Variants in ZNF716 observed in about 807,000 individuals in gnomAD.
The protein encoded by ZNF716 is zinc finger protein 716.
A neutral mutation model predicts 13.4 loss-of-function variants in ZNF716; 9 were observed. The ratio of observed to expected loss-of-function variants is 0.67; its 90% CI spans 0.41 to 1.18. The LOEUF is 1.18. ZNF716 is among the 50% of genes most tolerant of loss of function. The probability of loss-of-function intolerance (pLI) is 0.01; values close to 1 mark genes in which losing one functional copy is unlikely to be tolerated. For missense variants in ZNF716, 581 were observed against 576.6 expected, an observed-to-expected ratio of 1.01 and a Z score of -0.08; for synonymous variants, 186 against 195.2, an observed-to-expected ratio of 0.95 and a Z score of 0.39.
intron 1 of ZNF716, among the ~76,000 whole-genome samples, chr7:57,458,017 A>G (rs1789634460): frequency 1.3e-5 from 2 of 152,180 alleles, no homozygotes; most frequent in Non-Finnish European, 2.9e-5. Flanking sequence ...ATCGTATTTC[A>G]TGGTCTTTAT....
At chr7:57,456,109 C>A (rs1789585450) in intron 1 of ZNF716, among the ~76,000 whole-genome samples, 1 of 152,124 alleles carries the variant, frequency 6.6e-6, no homozygotes, top group South Asian at 2.1e-4. Context: ...GCACCCACCA[C>A]CATGCCCGGC....
At chr7:57,452,260 A>T (rs1221579730) in intron 1 of ZNF716, among the ~76,000 whole-genome samples, 2 of 151,982 alleles carry the variant, frequency 1.3e-5, no homozygotes, top group African/African-American at 2.4e-5. Flanking sequence ...TATTTTTTTT[A>T]AAAGCATTGG....
Position 57,469,967 on chromosome 7 carries a change from C to T in ZNF716, c.*18C>T. 2 of 1,512,846 alleles carry T rather than the reference C, an allele frequency of 1.3e-6. No homozygotes were observed. The highest frequency in any genetic ancestry group is 1.8e-6 in the Non-Finnish European group (2 of 1,133,302). 93.7% of individuals were successfully genotyped at this position (1,512,846 alleles called of 1,614,324 possible). A position where few individuals can be genotyped will look rare whatever the true frequency, so the allele number is the denominator to read the frequency against. The stretch of plus-strand genomic sequence containing the variant: ...ATGAATAATGTGGTAAAGTCCAGCC[C>T]TCAGGCCTTATAATACATAAAATAA... On this transcript the variant is annotated 3_prime_UTR_variant, in exon 4 of 4. Coordinates refer to ENST00000420713, the MANE Select transcript of ZNF716 (RefSeq NM_001159279.1).
rs1336896311 is a variant in ZNF716, at chr7:57,468,910, C to T, written c.449C>T (p.Ser150Leu). ...TATAATTATGTTAACCAATGTTTGT[C>T]AGCTACCCAAAACAAAACATTTCAG... ...GGYNYVNQCL[S>L]ATQNKTFQTH... The change falls in exon 4 of 4, where the codon TCA becomes TTA. Residue 150 changes from serine (S) to leucine (L), a missense_variant. Ser to Leu is a moderately radical substitution (Grantham distance 145, BLOSUM62 -2). Coordinates refer to ENST00000420713, the MANE Select transcript of ZNF716 (RefSeq NM_001159279.1). 6 of 1,610,806 alleles carry T rather than the reference C, an allele frequency of 3.7e-6. No homozygotes were observed. Among genetic ancestry groups the T allele is most frequent in the Non-Finnish European group, 4.2e-6 (5 of 1,177,550 alleles).
chr7:57,464,059 T>C (rs1212332926), intron 3 of ZNF716, among the ~76,000 whole-genome samples: 1 of 151,972 alleles, frequency 6.6e-6, no homozygotes, highest in Non-Finnish European at 1.5e-5. Context: ...TTCAAATAGT[T>C]CTTCCCATTT....
intron 1 of ZNF716, among the ~76,000 whole-genome samples, chr7:57,452,478 T>G (rs1198402973): frequency 7.3e-6 from 1 of 136,068 alleles, no homozygotes; most frequent in African/African-American, 2.7e-5. Context: ...CTACTAAAAA[T>G]GCAAAAAAAA....
At chr7:57,463,265 G>A (rs368701110) in intron 3 of ZNF716, 97 bp downstream of exon 3, 21 of 1,507,580 alleles carry the variant, frequency 1.4e-5, no homozygotes, top group East Asian at 6.8e-5. Context: ...GCTGTACTTC[G>A]ATGGAAGAGT....
intron 1 of ZNF716, among the ~76,000 whole-genome samples, chr7:57,451,799 C>G (rs1340151851): frequency 6.8e-6 from 1 of 146,320 alleles, no homozygotes; most frequent in African/African-American, 2.5e-5. Context: ...TGGAGTCTCA[C>G]TCTGTGGCCC....
At chr7:57,451,533 C>T (rs999880426) in intron 1 of ZNF716, among the ~76,000 whole-genome samples, 2 of 146,992 alleles carry the variant, frequency 1.4e-5, no homozygotes, top group South Asian at 4.3e-4. Context: ...CTGCAACTTC[C>T]GCCTCCTGGG....
intron 1 of ZNF716, among the ~76,000 whole-genome samples, chr7:57,451,489 C>T (rs1253395219): frequency 7.2e-6 from 1 of 138,302 alleles, no homozygotes; most frequent in East Asian, 2.2e-4. Flanking sequence ...GCAATGTTGC[C>T]CAAGCTGGAG....
intron 1 of ZNF716, among the ~76,000 whole-genome samples, chr7:57,451,789 T>C (rs1789502503): frequency 6.8e-6 from 1 of 146,044 alleles, no homozygotes; most frequent in Non-Finnish European, 1.5e-5. Context: ...TTTTTTGAGA[T>C]GGAGTCTCAC....
intron 1 of ZNF716, among the ~76,000 whole-genome samples, chr7:57,450,583 A>G (rs1296909511): frequency 1.3e-5 from 2 of 152,060 alleles, no homozygotes; most frequent in South Asian, 2.1e-4. Context: ...GGGCAGCTCT[A>G]CACTCCCAGC....
At position 57,470,488 on chromosome 7, in the gene ZNF716, G is replaced by T. The variant is rs1789910568; in HGVS notation, c.*539G>T. 6.5e-6 allele frequency: 1 copy of T among 154,178 alleles called. No homozygotes were observed. Among genetic ancestry groups the T allele is most frequent in the Non-Finnish European group, 1.4e-5 (1 of 69,262 alleles). The allele number at this position is 154,178 out of a possible 1,614,324, so 9.6% of individuals were successfully genotyped here. The stretch of plus-strand genomic sequence containing the variant: ...GTCAAAAATGTGACAAAACATTTAA[G>T]CACATCTCAGGCCTTACACAATATC... On this transcript the variant is annotated 3_prime_UTR_variant, in exon 4 of 4. Coordinates refer to ENST00000420713, the MANE Select transcript of ZNF716 (RefSeq NM_001159279.1).
intron 1 of ZNF716, among the ~76,000 whole-genome samples, chr7:57,458,414 TTTTC>T (rs1212552611): frequency 2.0e-5 from 3 of 152,154 alleles, no homozygotes; most frequent in Non-Finnish European, 4.4e-5. Context: ...TGAACTTTTT[TTTTC>T]TTTCTTTTCT....
chr7:57,466,089 G>A (rs1789807491), intron 3 of ZNF716, among the ~76,000 whole-genome samples: 1 of 152,038 alleles, frequency 6.6e-6, no homozygotes, highest in Non-Finnish European at 1.5e-5. Flanking sequence ...AATGCTAGAT[G>A]ACGAGTTACT....
chr7:57,470,542 C>T lies in ZNF716; in HGVS notation c.*593C>T, dbSNP rs1554325137. 2 of 152,786 alleles carry T rather than the reference C, an allele frequency of 1.3e-5. No individual in the cohort carries two copies. The highest frequency in any genetic ancestry group is 2.9e-5 in the Non-Finnish European group (2 of 68,238). 9.5% of individuals were successfully genotyped at this position (152,786 alleles called of 1,614,324 possible). On this transcript the variant is annotated 3_prime_UTR_variant, in exon 4 of 4. Transcript: ENST00000420713. ...TAATTCATTCTAGAGACAAACCCTA[C>T]AAAAACAATGTGGTAAAGCTTTTAC...
chr7:57,466,082 G>T (rs1789807164), intron 3 of ZNF716, among the ~76,000 whole-genome samples: 1 of 152,016 alleles, frequency 6.6e-6, no homozygotes, highest in Non-Finnish European at 1.5e-5. Flanking sequence ...TATACCTAAT[G>T]CTAGATGACG....
At chr7:57,459,617 GC>G (rs781895894) in intron 1 of ZNF716, among the ~76,000 whole-genome samples, 3 of 152,138 alleles carry the variant, frequency 2.0e-5, no homozygotes, top group Non-Finnish European at 4.4e-5. Context: ...ATAAAGCAGG[GC>G]CAAGATTACC....
intron 1 of ZNF716, among the ~76,000 whole-genome samples, chr7:57,450,887 G>C (rs531442731): frequency 6.6e-6 from 1 of 152,146 alleles, no homozygotes; most frequent in East Asian, 1.9e-4. Context: ...TAAATAATTG[G>C]TTTGGTACAG....
Sources: allele counts gnomAD v4.1 joint callset (sites outside exome capture counted in the v4.1 genomes callset), GRCh38; gene constraint gnomAD v4.1.1; transcripts MANE v1.5; gene names NCBI Gene and HGNC (gene_info 2026-07-23, HGNC 2026-07-21).